MPZL1: variants seen among roughly 807,000 people sequenced by gnomAD.
The protein encoded by MPZL1 is myelin protein zero like 1.
MPZL1 carries 16 observed loss-of-function variants against 29.3 expected under a neutral mutation model. The observed-to-expected ratio is 0.55, with a 90% CI of 0.37 to 0.83. The LOEUF (loss-of-function observed/expected upper bound fraction) is 0.83. Ranked by LOEUF, MPZL1 falls within the 40% of genes least tolerant of loss-of-function variation. MPZL1 has a pLI of 0.00. For synonymous variants in MPZL1, 143 were observed against 132.0 expected (o/e 1.08, Z -0.57); for missense variants, 279 against 332.9 (o/e 0.84, Z 1.26).
At position 167,773,357 on chromosome 1, in the gene MPZL1, G is replaced by A; in HGVS notation, c.594G>A (p.Arg198=). 1 of 1,613,276 alleles carries A rather than the reference G, an allele frequency of 6.2e-7. No homozygotes were observed. Among genetic ancestry groups the A allele is most frequent in the African/African-American group, 1.3e-5 (1 of 74,956 alleles). ...AVLYRRKNSK[R]DYTGCSTSES... is the part of the protein sequence containing the mutation. Reference sequence around the variant, plus strand: ...TCTATAGAAGGAAAAACTCTAAACGGGATTACACTGGGTAAGAAACACTGT... The same window carrying A: ...TCTATAGAAGGAAAAACTCTAAACGAGATTACACTGGGTAAGAAACACTGT... Residue 198 remains arginine, a synonymous_variant, in exon 4 of 6, where the codon CGG becomes CGA. Transcript: ENST00000359523.
At position 167,773,302 on chromosome 1, in the gene MPZL1, C is replaced by T. The variant is rs945103042; in HGVS notation, c.539C>T (p.Thr180Ile). Residue 180 changes from threonine (T) to isoleucine (I), a missense_variant, in exon 4 of 6, where the codon ACT (threonine) becomes ATT (isoleucine). Transcript: ENST00000359523. ...GTTACTGCTGTGGTCCTAGGTCTCA[C>T]TCTGCTCATCAGCATGATTCTGGCT... The part of the protein sequence containing the change: ...GIVTAVVLGL[T>I]LLISMILAVL... 1.1e-5 allele frequency: 18 copies of T among 1,613,612 alleles called. No homozygotes were observed. The highest frequency in any genetic ancestry group is 3.3e-5 in the Admixed American group (2 of 60,006).
At chr1:167,777,528 T>G (rs1661397188) in intron 5 of MPZL1, among the ~76,000 whole-genome samples, 1 of 151,646 alleles carries the variant, frequency 6.6e-6, no homozygotes, top group African/African-American at 2.4e-5. Flanking sequence ...TTTGGGGAGG[T>G]CAAGGAGGCT....
chr1:167,772,209 C>T, intron 2 of MPZL1, 66 bp from the exon 3 acceptor site: 1 of 1,267,848 alleles, frequency 7.9e-7, no homozygotes, highest in Non-Finnish European at 1.1e-6. Context: ...TCATAGCATG[C>T]ACATTACAGA....
chr1:167,733,326 G>A (rs984973862), intron 1 of MPZL1, among the ~76,000 whole-genome samples: 7 of 152,136 alleles, frequency 4.6e-5, no homozygotes, highest in African/African-American at 7.2e-5. Context: ...CTGCATTTAC[G>A]TGTCCCAATT....
Position 167,791,023 on chromosome 1 carries a change from C to T in MPZL1, c.*3102C>T, listed in dbSNP as rs1661701035. ...GTTTGCTCTCTGACTTCCTTTAAGC[C>T]TCTGCTCAAATGTTACCTCCTCAGG... On this transcript the variant is annotated 3_prime_UTR_variant, in exon 6 of 6. Coordinates refer to ENST00000359523, the MANE Select transcript of MPZL1 (RefSeq NM_003953.6). 6.6e-6 allele frequency: 1 copy of T among 152,162 alleles called. No individual in the cohort carries two copies. Among genetic ancestry groups the T allele is most frequent in the Admixed American group, 6.5e-5 (1 of 15,272 alleles). The allele number at this position is 152,162 out of a possible 1,614,324, so 9.4% of individuals were successfully genotyped here.
chr1:167,785,980 A>AGAC (rs1296793455), intron 5 of MPZL1, among the ~76,000 whole-genome samples: 1 of 152,098 alleles, frequency 6.6e-6, no homozygotes, highest in Non-Finnish European at 1.5e-5. Context: ...TTTTTAGTAG[A>AGAC]GACGGGGTTT....
chr1:167,770,456 TGAG>T (rs1661214866), intron 2 of MPZL1, among the ~76,000 whole-genome samples: 1 of 152,176 alleles, frequency 6.6e-6, no homozygotes, highest in Admixed American at 6.5e-5. Context: ...GAGGAGAGAC[TGAG>T]GAGTGGAAAG....
intron 5 of MPZL1, among the ~76,000 whole-genome samples, chr1:167,779,362 A>G (rs563348963): frequency 1.3e-5 from 2 of 152,252 alleles, no homozygotes; most frequent in South Asian, 2.1e-4. Context: ...AGGTGGGTGG[A>G]TCACCTGAGG....
In MPZL1 at chr1:167,772,496, C is replaced by T. The variant is rs374184134; in HGVS notation, c.472+8C>T. The T allele has an allele frequency of 1.9e-6, 3 of 1,606,708 alleles. No individual in the cohort carries two copies. Among genetic ancestry groups the T allele is most frequent in the South Asian group, 1.1e-5 (1 of 90,244 alleles). On this transcript the variant is annotated splice_region_variant and intron_variant, in intron 3 of 5. Transcript: ENST00000359523. Reference sequence around the variant, plus strand: ...TCTATGTCGTAGAAAAAGGTACTTCCTTGAGTATTTTGGCAGTAATAATGC... The same window carrying T: ...TCTATGTCGTAGAAAAAGGTACTTCTTTGAGTATTTTGGCAGTAATAATGC...
intron 1 of MPZL1, among the ~76,000 whole-genome samples, chr1:167,752,035 C>A (rs981812823): frequency 1.3e-5 from 2 of 152,214 alleles, no homozygotes; most frequent in Non-Finnish European, 2.9e-5. Context: ...TGCCCACTTC[C>A]TACAGGATCA....
In MPZL1 at chr1:167,733,321, T is replaced by G. The variant is rs146085578; in HGVS notation, c.91+11079T>G. Among the ~76,000 whole-genome samples the G allele has an allele frequency of 6.1e-4, 93 of 152,326 alleles. No individual in the cohort carries two copies. The East Asian group carries it at 7.9e-3, about 13-fold the overall frequency. On this transcript the variant is annotated intron_variant, in intron 1 of 5. Coordinates refer to ENST00000359523, the MANE Select transcript of MPZL1 (RefSeq NM_003953.6). ...CCATGATCCAATTATTCCCACTGCA[T>G]TTACGTGTCCCAATTTAGTGACAGC...
At chr1:167,772,574 G>T (rs1661275626) in intron 3 of MPZL1, 86 bp downstream of exon 3, 2 of 1,269,052 alleles carry the variant, frequency 1.6e-6, no homozygotes, top group South Asian at 2.8e-5. Flanking sequence ...TTTCATGGTG[G>T]GTTTGGAGGG....
Position 167,738,921 on chromosome 1 carries a change from G to T in MPZL1, c.91+16679G>T, listed in dbSNP as rs139515184. 6.2e-3 allele frequency among the ~76,000 whole-genome samples: 949 copies of T among 152,156 alleles called. 11 individuals are homozygous for T. Among genetic ancestry groups the T allele is most frequent in the Middle Eastern group, 6.8e-3 (2 of 294 alleles). ...CAGGTATTTCTTTATAGTAATGTGA[G>T]AATGGACCAATACATATATTTTGGT... is the stretch of plus-strand genomic sequence containing the variant. On this transcript the variant is annotated intron_variant, in intron 1 of 5. Transcript: ENST00000359523.
chr1:167,786,896 T>G (rs573141289), intron 5 of MPZL1, among the ~76,000 whole-genome samples: 2 of 152,290 alleles, frequency 1.3e-5, no homozygotes, highest in South Asian at 4.2e-4. Context: ...CCAGGGCTAT[T>G]TTGTTGTTGT....
At chr1:167,753,891 A>C (rs906660485) in intron 1 of MPZL1, among the ~76,000 whole-genome samples, 1 of 151,912 alleles carries the variant, frequency 6.6e-6, no homozygotes, top group Non-Finnish European at 1.5e-5. Context: ...CAGCTTCCCA[A>C]AGTGTTGGGA....
At chr1:167,773,041 T>C in intron 3 of MPZL1, among the ~76,000 whole-genome samples, 195 bp from the exon 4 acceptor site, 1 of 152,210 alleles carries the variant, frequency 6.6e-6, no homozygotes, top group East Asian at 1.9e-4. Flanking sequence ...AGTTCCATAG[T>C]TCATTCTTTC....
At chr1:167,776,631 A>T (rs1207213053) in intron 5 of MPZL1, among the ~76,000 whole-genome samples, 2 of 152,220 alleles carry the variant, frequency 1.3e-5, no homozygotes, top group African/African-American at 4.8e-5. Context: ...GAAAGTAAGC[A>T]TTTATCTGAA....
At chr1:167,779,920 A>G (rs1020704662) in intron 5 of MPZL1, among the ~76,000 whole-genome samples, 2 of 152,176 alleles carry the variant, frequency 1.3e-5, no homozygotes, top group African/African-American at 4.8e-5. Context: ...GGATGGTAAT[A>G]ATATCAACGT....
chr1:167,750,181 T>G (rs1189568971), intron 1 of MPZL1, among the ~76,000 whole-genome samples: 1 of 152,048 alleles, frequency 6.6e-6, no homozygotes. Flanking sequence ...TTTCTTTTCT[T>G]TTCTTTTTCC....
Sources: gnomAD v4.1 joint callset for allele counts (sites outside exome capture counted in the v4.1 genomes callset) on GRCh38, gnomAD v4.1.1 for gene constraint, MANE v1.5 for transcripts, NCBI Gene and HGNC (gene_info 2026-07-23, HGNC 2026-07-21) for gene names.